The following BRCA1 variants were observed in gnomAD, a reference collection of about 807,000 sequenced individuals.
BRCA1 encodes the protein BRCA1 DNA repair associated.
In BRCA1, 140 loss-of-function variants were observed where a neutral mutation model predicts 173.7. That is an observed-to-expected ratio of 0.81 (90% CI 0.70 to 0.93). The LOEUF is 0.93. Ranked by LOEUF, BRCA1 falls within the 40% of genes least tolerant of loss-of-function variation. The pLI, the probability that BRCA1 is intolerant of heterozygous loss-of-function variation, is 0.00. For missense variants in BRCA1, 1,983 were observed against 2,172.5 expected (o/e 0.91, Z 1.73); for synonymous variants, 662 against 756.0 (o/e 0.88, Z 2.04).
intron 7 of BRCA1, among the ~76,000 whole-genome samples, chr17:43,098,741 CA>C (rs2054242053): frequency 6.6e-6 from 1 of 151,830 alleles, no homozygotes; most frequent in African/African-American, 2.4e-5. Context: ...CTCGTGGACT[CA>C]ACCAATCCTT....
rs772975110 is a variant in BRCA1 at position 43,093,754 on chromosome 17, T to G, written c.1777A>C (p.Asn593His). Residue 593 changes from asparagine to histidine, a missense_variant, in exon 10 of 23, where the codon AAT becomes CAT. Asn to His is a moderately conservative substitution (Grantham distance 68). Coordinates refer to ENST00000357654, the MANE Select transcript of BRCA1 (RefSeq NM_007294.4). ...TGGATATTTAATTCGAGTTCCATATTGCTTATACTGCTGCTTATAGGTTCA... is the reference window on the plus strand; with the variant it reads ...TGGATATTTAATTCGAGTTCCATATGGCTTATACTGCTGCTTATAGGTTCA... Reference protein sequence around the residue: ...KAEPISSSISNMELELNIHNS... With the variant: ...KAEPISSSISHMELELNIHNS... 6.2e-7 allele frequency: 1 copy of G among 1,614,052 alleles called. No individual in the cohort carries two copies. The highest frequency in any genetic ancestry group is 8.5e-7 in the Non-Finnish European group (1 of 1,179,998).
chr17:43,121,031 C>A (rs2055535334), intron 2 of BRCA1, among the ~76,000 whole-genome samples: 1 of 151,256 alleles, frequency 6.6e-6, no homozygotes, highest in African/African-American at 2.4e-5. Context: ...GATGGCGCCA[C>A]TGCACTCCAG....
At chr17:43,095,780 AATTAC>A (rs1180536178) in intron 9 of BRCA1, 61 bp downstream of exon 9, 2 of 1,302,300 alleles carry the variant, frequency 1.5e-6, no homozygotes, top group African/African-American at 2.9e-5. Context: ...AGAATAATCT[AATTAC>A]AGTACTGTAT....
At chr17:43,123,432 C>T (rs930384412) in intron 2 of BRCA1, among the ~76,000 whole-genome samples, 1 of 139,354 alleles carries the variant, frequency 7.2e-6, no homozygotes, top group African/African-American at 2.8e-5. Flanking sequence ...CTCACAGCAA[C>T]ATCTGCCTCC....
At chr17:43,058,257 C>T (rs117845388) in intron 18 of BRCA1, among the ~76,000 whole-genome samples, 1 of 151,716 alleles carries the variant, frequency 6.6e-6, no homozygotes, top group Non-Finnish European at 1.5e-5. Context: ...GCCTGCAGTC[C>T]CAATTTCTTG....
intron 21 of BRCA1, among the ~76,000 whole-genome samples, chr17:43,048,708 A>C (rs1422016538): frequency 6.8e-6 from 1 of 146,722 alleles, no homozygotes; most frequent in Non-Finnish European, 1.5e-5. Context: ...TTTAGTACAG[A>C]TGGGGTTTCA....
rs2050830637 is a variant in BRCA1 at position 43,045,227 on chromosome 17, C to A, written c.*451G>T. The A allele has an allele frequency of 3.7e-6, 2 of 539,516 alleles. No individual in the cohort carries two copies. Among genetic ancestry groups the A allele is most frequent in the East Asian group, 7.7e-5 (2 of 25,944 alleles). The allele number at this position is 539,516 out of a possible 1,614,324, so 33.4% of individuals were successfully genotyped here. A position where few individuals can be genotyped will look rare whatever the true frequency, so the allele number is the denominator to read the frequency against. ...AGTCACATAATCGATCCCAAGCACTCTCCTTCCATTGAAGGGTCTGACTCT... is the reference window on the plus strand; with the variant it reads ...AGTCACATAATCGATCCCAAGCACTATCCTTCCATTGAAGGGTCTGACTCT... On this transcript the variant is annotated 3_prime_UTR_variant, in exon 23 of 23. Transcript: ENST00000357654.
At chr17:43,054,159 T>C (rs1187110500) in intron 19 of BRCA1, among the ~76,000 whole-genome samples, 1 of 152,170 alleles carries the variant, frequency 6.6e-6, no homozygotes, top group East Asian at 1.9e-4. Flanking sequence ...GGGAAGAATC[T>C]GGTGCTAATA....
At chr17:43,157,484 G>A (rs1397188489) in intron 1 of BRCA1, among the ~76,000 whole-genome samples, 2 of 151,956 alleles carry the variant, frequency 1.3e-5, no homozygotes, top group Non-Finnish European at 2.9e-5. Flanking sequence ...CAGATCACGA[G>A]GTCAGGAGAT....
At chr17:43,131,032 G>C (rs2055960474) in intron 1 of BRCA1, among the ~76,000 whole-genome samples, 1 of 152,040 alleles carries the variant, frequency 6.6e-6, no homozygotes, top group African/African-American at 2.4e-5. Context: ...TGATACTCTG[G>C]GTGTGTTGCA....
chr17:43,098,974 C>A (rs1486137411), intron 7 of BRCA1, among the ~76,000 whole-genome samples: 1 of 151,118 alleles, frequency 6.6e-6, no homozygotes, highest in Non-Finnish European at 1.5e-5. Context: ...TAAGCCACCA[C>A]CCCGGCTAAT....
At chr17:43,067,906 A>AAG (rs1555579939) in intron 15 of BRCA1, among the ~76,000 whole-genome samples, 1 of 149,598 alleles carries the variant, frequency 6.7e-6, no homozygotes, top group Non-Finnish European at 1.5e-5. Context: ...AAAAAAAAAA[A>AAG]AAAAAATAGA....
At chr17:43,100,686 T>TAAAATATATATATATATATATA (rs1567807839) in intron 6 of BRCA1, among the ~76,000 whole-genome samples, 2 of 17,420 alleles carry the variant, frequency 1.1e-4, no homozygotes, top group African/African-American at 2.2e-4. Flanking sequence ...ATAATATATA[T>TAAAATATATATATATATATATA]ATATATATAT....
chr17:43,131,209 T>G, intron 1 of BRCA1: 2 of 277,714 alleles, frequency 7.2e-6, no homozygotes, highest in South Asian at 7.4e-5. Flanking sequence ...CTTTTGTAGG[T>G]AAAAGTTTCA....
At chr17:43,129,227 G>T (rs374262170), upstream of BRCA1, among the ~76,000 whole-genome samples, 6 of 152,172 alleles carry the variant, frequency 3.9e-5, no homozygotes, top group East Asian at 3.8e-4. Context: ...CATAGCTTTC[G>T]TGTTTACACA....
chr17:43,073,367 G>A (rs534608998), intron 14 of BRCA1, among the ~76,000 whole-genome samples: 1 of 152,202 alleles, frequency 6.6e-6, no homozygotes, highest in South Asian at 2.1e-4. Flanking sequence ...AAAAACAGCA[G>A]AGATGTCATC....
intron 11 of BRCA1, among the ~76,000 whole-genome samples, chr17:43,089,037 G>C (rs560590835): frequency 6.6e-6 from 1 of 152,298 alleles, no homozygotes; most frequent in South Asian, 2.1e-4. Context: ...AGGAGGCCAG[G>C]CCTGGTGGCT....
Position 43,093,476 on chromosome 17 carries a change from A to G in BRCA1, c.2055T>C (p.Asn685=), listed in dbSNP as rs1555590600. ...TGTCATGTCTTTTACTTGTCTGTTCATTTGGCTTGTTACTCTTCTTGGCTC... is the reference window on the plus strand; with the variant it reads ...TGTCATGTCTTTTACTTGTCTGTTCGTTTGGCTTGTTACTCTTCTTGGCTC... The part of the protein sequence containing the change: ...ATGAKKSNKP[N]EQTSKRHDSD... The change falls in exon 10 of 23, where the codon AAT becomes AAC. Residue 685 remains asparagine (N), a synonymous_variant. Transcript: ENST00000357654. The G allele has an allele frequency of 6.2e-7, 1 of 1,614,070 alleles. No individual in the cohort carries two copies. Among genetic ancestry groups the G allele is most frequent in the East Asian group, 2.2e-5 (1 of 44,880 alleles).
At chr17:43,111,284 C>T (rs770463722) in intron 3 of BRCA1, among the ~76,000 whole-genome samples, 1 of 151,960 alleles carries the variant, frequency 6.6e-6, no homozygotes, top group Non-Finnish European at 1.5e-5. Context: ...CTGTGGGAGG[C>T]CAAGGCGAGC....
Sources: gnomAD v4.1 joint callset for allele counts (sites outside exome capture counted in the v4.1 genomes callset) on GRCh38, gnomAD v4.1.1 for gene constraint, MANE v1.5 for transcripts, NCBI Gene and HGNC (gene_info 2026-07-23, HGNC 2026-07-21) for gene names.